COL13A1: variants seen among roughly 807,000 people sequenced by gnomAD.
The protein encoded by COL13A1 is collagen type XIII alpha 1 chain.
In COL13A1, 89 loss-of-function variants were observed where a neutral mutation model predicts 130.9. The ratio of observed to expected loss-of-function variants is 0.68; its 90% CI spans 0.57 to 0.81. The LOEUF (loss-of-function observed/expected upper bound fraction) is 0.81. Ranked by LOEUF, COL13A1 falls within the 30% of genes least tolerant of loss-of-function variation. COL13A1 has a pLI of 0.00. For synonymous variants in COL13A1, 402 were observed against 341.6 expected (o/e 1.18, Z -1.95); for missense variants, 879 against 934.6 (o/e 0.94, Z 0.78).
chr10:69,869,795 A>C (rs2058878725), intron 3 of COL13A1, among the ~76,000 whole-genome samples: 2 of 152,206 alleles, frequency 1.3e-5, no homozygotes, highest in African/African-American at 4.8e-5. Context: ...AGAATTTCCT[A>C]ATACTGGGAA....
chr10:69,894,047 T>C (rs984789585), intron 10 of COL13A1, among the ~76,000 whole-genome samples: 1 of 152,204 alleles, frequency 6.6e-6, no homozygotes, highest in African/African-American at 2.4e-5. Flanking sequence ...GTCCAGAACA[T>C]GGCTTCAGTT....
Position 69,802,493 on chromosome 10 carries a change from G to C in COL13A1, c.70G>C (p.Gly24Arg), listed in dbSNP as rs1168711584. Residue 24 changes from glycine to arginine, a missense_variant, in exon 1 of 41, where the codon GGG (glycine) becomes CGG (arginine). Transcript: ENST00000645393. ...CGGCCCTGGGGAGTTGGGCGCGCCC[G>C]GGACGGTGGCTCTGGTGGCGGCGCG... ...ARGPGELGAP[G>R]TVALVAARAE... is the part of the protein sequence containing the mutation. The C allele has an allele frequency of 2.0e-6, 3 of 1,528,524 alleles. No individual in the cohort carries two copies. The highest frequency in any genetic ancestry group is 2.6e-6 in the Non-Finnish European group (3 of 1,140,560). The allele number at this position is 1,528,524 out of a possible 1,614,324, so 94.7% of individuals were successfully genotyped here.
intron 2 of COL13A1, among the ~76,000 whole-genome samples, chr10:69,845,786 G>A (rs1323452393): frequency 1.3e-5 from 2 of 152,242 alleles, no homozygotes; most frequent in Admixed American, 1.3e-4. Flanking sequence ...TAAAAATGCA[G>A]ATGCCCAGGT....
intron 18 of COL13A1, 94 bp from the exon 19 acceptor site, chr10:69,918,191 A>G: frequency 1.7e-6 from 2 of 1,154,076 alleles, no homozygotes; most frequent in Non-Finnish European, 2.5e-6. Flanking sequence ...CCTCCTTCTC[A>G]TCACACCATG....
chr10:69,930,030 G>T lies in COL13A1; in HGVS notation c.1486-13G>T, dbSNP rs371709933. 1 of 1,613,718 alleles carries T rather than the reference G, an allele frequency of 6.2e-7. No homozygotes were observed. Among genetic ancestry groups the T allele is most frequent in the South Asian group, 1.1e-5 (1 of 91,068 alleles). On this transcript the variant is annotated splice_polypyrimidine_tract_variant and intron_variant, in intron 28 of 40. Coordinates refer to ENST00000645393, the MANE Select transcript of COL13A1 (RefSeq NM_001368882.1). Reference sequence around the variant, plus strand: ...TCTGCCCTGAGAGTCACCTTTAGTTGTTCCGGTTACAGGGGGAGATTGGAC... The same window carrying T: ...TCTGCCCTGAGAGTCACCTTTAGTTTTTCCGGTTACAGGGGGAGATTGGAC...
chr10:69,902,688 TG>T, intron 14 of COL13A1, 59 bp from the exon 15 acceptor site: 1 of 1,407,042 alleles, frequency 7.1e-7, no homozygotes, highest in Non-Finnish European at 9.7e-7. Flanking sequence ...GGCCTGAGGG[TG>T]GGGGACGGTC....
chr10:69,843,168 C>T (rs1050249531), intron 2 of COL13A1, among the ~76,000 whole-genome samples: 1 of 152,098 alleles, frequency 6.6e-6, no homozygotes, highest in African/African-American at 2.4e-5. Flanking sequence ...TCGTGTTGCT[C>T]AAGTGGTCAG....
intron 3 of COL13A1, among the ~76,000 whole-genome samples, chr10:69,869,197 G>T (rs528903772): frequency 3.7e-4 from 57 of 152,224 alleles, no homozygotes; most frequent in Non-Finnish European, 7.3e-4. Context: ...ACCCCTTTGG[G>T]TCTGTGCTGA....
intron 2 of COL13A1, among the ~76,000 whole-genome samples, chr10:69,861,951 T>C (rs2133850213): frequency 6.6e-6 from 1 of 152,302 alleles, no homozygotes; most frequent in South Asian, 2.1e-4. Flanking sequence ...TGTGGCGTGC[T>C]GGCAAACGCT....
intron 2 of COL13A1, among the ~76,000 whole-genome samples, chr10:69,834,382 G>T (rs1344712924): frequency 6.6e-6 from 1 of 152,176 alleles, no homozygotes. Flanking sequence ...GGGGAGTAAC[G>T]AGAGGGAGGT....
intron 34 of COL13A1, among the ~76,000 whole-genome samples, chr10:69,938,337 C>A (rs1029789774): frequency 2.6e-5 from 4 of 152,150 alleles, no homozygotes; most frequent in African/African-American, 9.7e-5. Context: ...CTGATGGCCT[C>A]TTCACTGCCT....
intron 27 of COL13A1, among the ~76,000 whole-genome samples, chr10:69,927,457 T>C (rs1382785032): frequency 2.6e-5 from 4 of 152,288 alleles, no homozygotes; most frequent in Admixed American, 6.5e-5. Flanking sequence ...AATGTTTCTC[T>C]TTTTTCCCAA....
rs555345752 is a variant in COL13A1, at chr10:69,949,223, G to A, written c.2058+1881G>A. 9.2e-5 allele frequency among the ~76,000 whole-genome samples: 14 copies of A among 152,116 alleles called. No individual in the cohort carries two copies. The East Asian group carries it at 1.7e-3, about 19-fold the overall frequency. On this transcript the variant is annotated intron_variant, in intron 38 of 40. Coordinates refer to ENST00000645393, the MANE Select transcript of COL13A1 (RefSeq NM_001368882.1). Reference sequence around the variant, plus strand: ...CTTCGAGACAGAGTCTTGCTCTGTCGCCAGGCTGGAGTGCAATGGCGCGAT... The same window carrying A: ...CTTCGAGACAGAGTCTTGCTCTGTCACCAGGCTGGAGTGCAATGGCGCGAT...
At chr10:69,923,602 T>C (rs1016895394) in intron 23 of COL13A1, among the ~76,000 whole-genome samples, 200 bp from the exon 24 acceptor site, 2 of 152,122 alleles carry the variant, frequency 1.3e-5, no homozygotes, top group Non-Finnish European at 2.9e-5. Context: ...AGGAGTGGGC[T>C]TCCAGAGGAA....
At chr10:69,840,142 A>G (rs568131056) in intron 2 of COL13A1, among the ~76,000 whole-genome samples, 33 of 152,234 alleles carry the variant, frequency 2.2e-4, no homozygotes, top group Admixed American at 1.4e-3. Flanking sequence ...TGAGAGATGG[A>G]GAGAAACCAG....
chr10:69,848,021 C>A (rs1564834813), intron 2 of COL13A1, among the ~76,000 whole-genome samples: 1 of 152,216 alleles, frequency 6.6e-6, no homozygotes. Context: ...TTCCTCTTCC[C>A]AGCTTGTCTA....
chr10:69,914,111 T>C (rs1198003502), intron 17 of COL13A1, among the ~76,000 whole-genome samples: 1 of 152,192 alleles, frequency 6.6e-6, no homozygotes, highest in African/African-American at 2.4e-5. Flanking sequence ...TCCGGGGTTT[T>C]GCTCTGCACA....
chr10:69,937,048 A>T (rs371201888), intron 33 of COL13A1, among the ~76,000 whole-genome samples: 128 of 152,312 alleles, frequency 8.4e-4, no homozygotes, highest in African/African-American at 3.0e-3. Flanking sequence ...TTTTCCCATC[A>T]AACCTGCCCT....
chr10:69,894,451 G>T, intron 10 of COL13A1, 101 bp from the exon 11 acceptor site: 1 of 1,394,654 alleles, frequency 7.2e-7, no homozygotes, highest in Non-Finnish European at 1.0e-6. Flanking sequence ...GGCTGGTAGA[G>T]CCCAGCCTTC....
Sources: allele counts gnomAD v4.1 joint callset (sites outside exome capture counted in the v4.1 genomes callset), GRCh38; gene constraint gnomAD v4.1.1; transcripts MANE v1.5; gene names NCBI Gene and HGNC (gene_info 2026-07-23, HGNC 2026-07-21).